The following CDH23 variants were observed in gnomAD, a reference collection of about 807,000 sequenced individuals.
CDH23 encodes the protein cadherin related 23, also known as cadherin-23.
A neutral mutation model predicts 317.1 loss-of-function variants in CDH23; 189 were observed. That is an observed-to-expected ratio of 0.60 (90% CI 0.53 to 0.67). CDH23 has a LOEUF of 0.67. Among genes scored for constraint, CDH23 ranks in the 30% least tolerant of loss-of-function variants. The pLI, the probability that CDH23 is intolerant of heterozygous loss-of-function variation, is 0.00. For synonymous variants in CDH23, 1,839 were observed against 1,876.8 expected, an observed-to-expected ratio of 0.98 and a Z score of 0.52; for missense variants, 4,401 against 4,592.4, an observed-to-expected ratio of 0.96 and a Z score of 1.20.
At chr10:71,793,686 C>T in intron 48 of CDH23, 46 bp downstream of exon 48, 1 of 1,373,204 alleles carries the variant, frequency 7.3e-7, no homozygotes, top group Non-Finnish European at 9.9e-7. Flanking sequence ...GCTCCCAGTC[C>T]TGTCTCCTCG....
At chr10:71,778,457 T>C in intron 40 of CDH23, 149 bp downstream of exon 40, 4 of 1,072,858 alleles carry the variant, frequency 3.7e-6, no homozygotes, top group Non-Finnish European at 5.3e-6. Flanking sequence ...AGCAACTCAC[T>C]CAAACTTGCT....
chr10:71,688,866 T>C (rs376970787), intron 19 of CDH23, among the ~76,000 whole-genome samples: 19 of 72,730 alleles, frequency 2.6e-4, no homozygotes, highest in Admixed American at 4.7e-4. Flanking sequence ...GGTGGTGGAG[T>C]CAGGGATGAT....
Position 71,625,823 on chromosome 10 carries a change from C to T in CDH23, c.1134+8430C>T, listed in dbSNP as rs568193554. On this transcript the variant is annotated intron_variant, in intron 11 of 69. Coordinates refer to ENST00000224721, the MANE Select transcript of CDH23 (RefSeq NM_022124.6). ...AAGGGGGGCCACGGACCACCCAAGG[C>T]ATCCATGGCCCTGGGTGGAGAAAAA... 2.6e-5 allele frequency among the ~76,000 whole-genome samples: 4 copies of T among 152,306 alleles called. No homozygotes were observed. In the East Asian group the frequency reaches 7.7e-4, roughly 29 times the overall value.
In CDH23 at chr10:71,677,635, C is replaced by A; in HGVS notation, c.1694C>A (p.Ala565Asp). 6.3e-7 allele frequency: 1 copy of A among 1,593,738 alleles called. No homozygotes were observed. Among genetic ancestry groups the A allele is most frequent in the Non-Finnish European group, 8.5e-7 (1 of 1,170,450 alleles). ...NDNVPTFQKDAYVGALRENEP... is the reference protein window; with the variant it reads ...NDNVPTFQKDDYVGALRENEP... ...AACGTGCCCACCTTCCAGAAGGATG[C>A]CTACGTGGGTGCTCTGCGGGAGAAC... is the stretch of plus-strand genomic sequence containing the variant. Residue 565 changes from alanine to aspartate, a missense_variant, in exon 16 of 70, where the codon GCC (alanine) becomes GAC (aspartate). Physicochemically the swap from Ala to Asp is moderately radical, Grantham distance 126 (BLOSUM62 -2). Transcript: ENST00000224721.
chr10:71,449,244 C>CAAGA (rs1052325043), intron 3 of CDH23, among the ~76,000 whole-genome samples: 1 of 152,186 alleles, frequency 6.6e-6, no homozygotes, highest in Admixed American at 6.5e-5. Context: ...GTGCCAGTGG[C>CAAGA]AAGAGGCAGA....
chr10:71,681,528 G>T (rs968220286), intron 17 of CDH23, among the ~76,000 whole-genome samples: 1 of 152,204 alleles, frequency 6.6e-6, no homozygotes, highest in Non-Finnish European at 1.5e-5. Flanking sequence ...TGAAGGTAAG[G>T]TCTGCAGCAC....
intron 32 of CDH23, among the ~76,000 whole-genome samples, chr10:71,733,180 G>C (rs1405183736): frequency 6.6e-6 from 1 of 152,220 alleles, no homozygotes; most frequent in Non-Finnish European, 1.5e-5. Context: ...AAAGTATTAT[G>C]AAGGATAGTC....
chr10:71,471,665 C>T (rs571087573), intron 3 of CDH23, among the ~76,000 whole-genome samples: 4 of 152,232 alleles, frequency 2.6e-5, no homozygotes, highest in African/African-American at 9.6e-5. Flanking sequence ...GAACTTTTCC[C>T]CAAACCCTCC....
At position 71,720,420 on chromosome 10, in the gene CDH23, A is replaced by AACACACACACACAC. The variant is rs57346519; in HGVS notation, c.3370-3608_3370-3595dup. ...GACCTCCACTGGAGGCTCTTTCCAAAACACACACACACACACACACACACA... is the reference window on the plus strand; with the variant it reads ...GACCTCCACTGGAGGCTCTTTCCAAAACACACACACACACACACACACACACACACACACACACA... On this transcript the variant is annotated intron_variant, in intron 28 of 69. Coordinates refer to ENST00000224721, the MANE Select transcript of CDH23 (RefSeq NM_022124.6). Among the ~76,000 whole-genome samples the AACACACACACACAC allele has an allele frequency of 6.9e-3, 1,006 of 145,814 alleles. 10 individuals are homozygous for AACACACACACACAC. The highest frequency in any genetic ancestry group is 0.024 in the African/African-American group (952 of 39,066).
intron 30 of CDH23, among the ~76,000 whole-genome samples, chr10:71,725,893 A>G: frequency 6.6e-6 from 1 of 152,164 alleles, no homozygotes; most frequent in East Asian, 1.9e-4. Context: ...GAGAAAACTG[A>G]GGCACAGAGA....
At chr10:71,452,451 G>A (rs977713063) in intron 3 of CDH23, among the ~76,000 whole-genome samples, 2 of 152,038 alleles carry the variant, frequency 1.3e-5, no homozygotes, top group Non-Finnish European at 2.9e-5. Flanking sequence ...CTGACACCTC[G>A]CACACTGTTG....
intron 3 of CDH23, among the ~76,000 whole-genome samples, chr10:71,488,726 A>C (rs1270856070): frequency 6.6e-6 from 1 of 152,238 alleles, no homozygotes; most frequent in African/African-American, 2.4e-5. Flanking sequence ...CCTGCAACTC[A>C]CTACATTGTT....
intron 6 of CDH23, among the ~76,000 whole-genome samples, chr10:71,540,118 G>C (rs568672391): frequency 6.6e-6 from 1 of 152,274 alleles, no homozygotes; most frequent in East Asian, 1.9e-4. Flanking sequence ...GTGGGGCATA[G>C]GCCATCTCAG....
intron 6 of CDH23, among the ~76,000 whole-genome samples, chr10:71,557,908 A>G (rs888434175): frequency 6.6e-6 from 1 of 152,152 alleles, no homozygotes; most frequent in African/African-American, 2.4e-5. Context: ...GTCTCTTTCA[A>G]TCTGGAAACA....
At chr10:71,481,957 C>T (rs866496376) in intron 3 of CDH23, among the ~76,000 whole-genome samples, 12 of 152,274 alleles carry the variant, frequency 7.9e-5, no homozygotes, top group South Asian at 2.1e-4. Context: ...CCAGGAGAGC[C>T]TGGGCTGCAA....
rs769041035 is a variant in CDH23 at position 71,511,115 on chromosome 10, G to C, written c.337-5G>C. The stretch of plus-strand genomic sequence containing the variant: ...GGCGCTAATTGCCCGCCTTTCTCTT[G>C]CCAGGTGATCACACGGAAGGTGAAC... On this transcript the variant is annotated splice_region_variant and splice_polypyrimidine_tract_variant and intron_variant, in intron 5 of 69. Coordinates refer to ENST00000224721, the MANE Select transcript of CDH23 (RefSeq NM_022124.6). The C allele has an allele frequency of 1.9e-6, 3 of 1,613,212 alleles. No individual in the cohort carries two copies. Among genetic ancestry groups the C allele is most frequent in the Admixed American group, 3.3e-5 (2 of 59,954 alleles).
At chr10:71,519,421 C>T (rs1255414602) in intron 6 of CDH23, among the ~76,000 whole-genome samples, 1 of 152,252 alleles carries the variant, frequency 6.6e-6, no homozygotes, top group Non-Finnish European at 1.5e-5. Flanking sequence ...GGGTCTTCTG[C>T]CTGTATGCCT....
chr10:71,645,669 G>A (rs1862808373), intron 12 of CDH23, 162 bp from the exon 13 acceptor site: 3 of 829,204 alleles, frequency 3.6e-6, no homozygotes, highest in African/African-American at 3.3e-5. Context: ...ATGGAGTCTT[G>A]GAGCTGCTCT....
rs1841311861 is a variant in CDH23, at chr10:71,793,280, A to G, written c.6352A>G (p.Ile2118Val). 13 of 1,613,862 alleles carry G rather than the reference A, an allele frequency of 8.1e-6. No homozygotes were observed. Among genetic ancestry groups the G allele is most frequent in the Non-Finnish European group, 1.1e-5 (13 of 1,179,890 alleles). The change falls in exon 48 of 70, where the codon ATT (isoleucine) becomes GTT (valine). Residue 2118 changes from isoleucine to valine, a missense_variant. Transcript: ENST00000224721. The part of the protein sequence containing the change: ...IEAGAQDRFL[I>V]HLVTGVIRVG... ...AGCTGGGGCTCAGGACCGCTTCCTC[A>G]TTCATCTGGTCACCGGGGTCATCCG...
Sources: gnomAD v4.1 joint callset for allele counts (sites outside exome capture counted in the v4.1 genomes callset) on GRCh38, gnomAD v4.1.1 for gene constraint, MANE v1.5 for transcripts, NCBI Gene and HGNC (gene_info 2026-07-23, HGNC 2026-07-21) for gene names.